ACAP2: variants seen among roughly 807,000 people sequenced by gnomAD.
ACAP2 encodes the protein arf-GAP with coiled-coil, ANK repeat and PH domain-containing protein 2.
In ACAP2, 39 loss-of-function variants were observed where a neutral mutation model predicts 115.8. The observed-to-expected ratio is 0.34, with a 90% confidence interval of 0.26 to 0.44. The LOEUF (loss-of-function observed/expected upper bound fraction) is 0.44. ACAP2 is among the 20% of genes least tolerant of loss of function. The probability of loss-of-function intolerance (pLI) is 1.00; values close to 1 mark genes in which losing one functional copy is unlikely to be tolerated. For synonymous variants in ACAP2, 289 were observed against 315.8 expected (o/e 0.92, Z 0.90); for missense variants, 662 against 927.6 (o/e 0.71, Z 3.72).
chr3:195,333,038 A>G lies in ACAP2; in HGVS notation c.659T>C (p.Leu220Pro). The G allele has an allele frequency of 5.6e-6, 9 of 1,603,184 alleles. No homozygotes were observed. Among genetic ancestry groups the G allele is most frequent in the Non-Finnish European group, 7.7e-6 (9 of 1,174,306 alleles). Residue 220 changes from leucine (L) to proline (P), a missense_variant, in exon 8 of 23, where the codon CTT (leucine) becomes CCT (proline). Coordinates refer to ENST00000326793, the MANE Select transcript of ACAP2 (RefSeq NM_012287.6). The part of the protein sequence containing the change: ...FSELGPYMKD[L>P]GAQLDRLVVD... ...ATACTGCAACATTACCTGTGCACCA[A>G]GATCCTTCATGTAGGGTCCAAGTTC...
intron 1 of ACAP2, among the ~76,000 whole-genome samples, chr3:195,418,711 T>C (rs1254754123): frequency 1.3e-5 from 2 of 152,222 alleles, no homozygotes; most frequent in Non-Finnish European, 2.9e-5. Context: ...ATTACAGGCA[T>C]GAGCCACCGC....
intron 4 of ACAP2, chr3:195,356,010 C>A (rs978112750): frequency 4.1e-5 from 18 of 434,050 alleles, no homozygotes; most frequent in Non-Finnish European, 8.5e-5. Context: ...AATCTGACAA[C>A]CACCTACACA....
chr3:195,399,856 T>G (rs955749375), intron 1 of ACAP2, among the ~76,000 whole-genome samples: 2 of 151,742 alleles, frequency 1.3e-5, no homozygotes, highest in African/African-American at 4.8e-5. Context: ...AATAAAAAAA[T>G]TTAAAAAAAG....
chr3:195,294,248 C>T (rs1727468512), intron 18 of ACAP2, among the ~76,000 whole-genome samples: 1 of 151,820 alleles, frequency 6.6e-6, no homozygotes, highest in East Asian at 1.9e-4. Flanking sequence ...ATTACTCCTC[C>T]CCTAGTTACC....
At chr3:195,302,626 C>G (rs1728139071) in intron 13 of ACAP2, among the ~76,000 whole-genome samples, 2 of 151,462 alleles carry the variant, frequency 1.3e-5, no homozygotes, top group Admixed American at 1.3e-4. Flanking sequence ...AAGTTAATTA[C>G]TGCAGTGAGT....
At chr3:195,279,834 GT>G (rs1175819088) in intron 22 of ACAP2, 2 of 153,072 alleles carry the variant, frequency 1.3e-5, no homozygotes, top group Non-Finnish European at 2.9e-5. Flanking sequence ...AAATACTAAT[GT>G]TTTGGATGGA....
chr3:195,437,019 AAAC>A (rs1428897738), intron 1 of ACAP2, among the ~76,000 whole-genome samples: 4 of 152,210 alleles, frequency 2.6e-5, no homozygotes, highest in African/African-American at 7.2e-5. Flanking sequence ...AAGACACCAT[AAAC>A]AACGCAAATT....
chr3:195,297,378 T>G, intron 15 of ACAP2, 97 bp from the exon 16 acceptor site: 1 of 956,204 alleles, frequency 1.0e-6, no homozygotes, highest in Non-Finnish European at 1.6e-6. Context: ...AGTTAACTAA[T>G]CCCCTTACAC....
intron 1 of ACAP2, among the ~76,000 whole-genome samples, chr3:195,394,943 G>A (rs1249046221): frequency 1.4e-5 from 2 of 143,642 alleles, no homozygotes; most frequent in Non-Finnish European, 3.0e-5. Flanking sequence ...TTTAAAGTAG[G>A]GGGTGGTAAA....
intron 10 of ACAP2, among the ~76,000 whole-genome samples, chr3:195,310,892 C>T (rs979482462): frequency 1.3e-5 from 2 of 151,774 alleles, no homozygotes; most frequent in Non-Finnish European, 2.9e-5. Flanking sequence ...GTCATATATC[C>T]TAGGTAGAAA....
chr3:195,440,863 A>C (rs1212872365), intron 1 of ACAP2, among the ~76,000 whole-genome samples: 1 of 152,188 alleles, frequency 6.6e-6, no homozygotes, highest in African/African-American at 2.4e-5. Flanking sequence ...GAAGTTATTG[A>C]AATTTTGGCA....
intron 1 of ACAP2, among the ~76,000 whole-genome samples, chr3:195,404,805 T>C (rs1712613300): frequency 6.8e-6 from 1 of 148,138 alleles, no homozygotes; most frequent in East Asian, 1.9e-4. Context: ...ATTTTTTCTT[T>C]TTTTTTTTTG....
chr3:195,289,000 G>C (rs1727054626), intron 21 of ACAP2, 121 bp downstream of exon 21: 8 of 652,104 alleles, frequency 1.2e-5, no homozygotes, highest in Non-Finnish European at 2.1e-5. Context: ...TTTTATATAA[G>C]GGACATGAGC....
At chr3:195,381,664 C>G (rs1212711349) in intron 3 of ACAP2, among the ~76,000 whole-genome samples, 1 of 152,116 alleles carries the variant, frequency 6.6e-6, no homozygotes, top group Non-Finnish European at 1.5e-5. Flanking sequence ...ACTTAATAAA[C>G]TAACCACAAC....
At chr3:195,365,015 T>C (rs1192649890) in intron 4 of ACAP2, among the ~76,000 whole-genome samples, 2 of 152,194 alleles carry the variant, frequency 1.3e-5, no homozygotes, top group Non-Finnish European at 2.9e-5. Flanking sequence ...TTAAGTGAAA[T>C]AAGCCAGGCA....
Position 195,276,141 on chromosome 3 carries a change from A to G in ACAP2, c.*3187T>C, listed in dbSNP as rs1455802666. The G allele has an allele frequency of 6.5e-6, 1 of 152,674 alleles. No individual in the cohort carries two copies. The highest frequency in any genetic ancestry group is 1.5e-5 in the Non-Finnish European group (1 of 68,040). The allele number at this position is 152,674 out of a possible 1,614,324, so 9.5% of individuals were successfully genotyped here. A position where few individuals can be genotyped will look rare whatever the true frequency, so the allele number is the denominator to read the frequency against. On this transcript the variant is annotated 3_prime_UTR_variant, in exon 23 of 23. Coordinates refer to ENST00000326793, the MANE Select transcript of ACAP2 (RefSeq NM_012287.6). ...CGACCATACTTAACATGCATAAAATATTTTTAAAATACAAACTTAAATTGG... is the reference window on the plus strand; with the variant it reads ...CGACCATACTTAACATGCATAAAATGTTTTTAAAATACAAACTTAAATTGG...
intron 1 of ACAP2, among the ~76,000 whole-genome samples, chr3:195,414,267 G>C (rs928533686): frequency 7.2e-5 from 11 of 152,074 alleles, no homozygotes; most frequent in African/African-American, 1.9e-4. Flanking sequence ...CTTTAAAAAA[G>C]AAATACATAC....
At chr3:195,304,752 G>A (rs1043298836) in intron 13 of ACAP2, among the ~76,000 whole-genome samples, 3 of 152,154 alleles carry the variant, frequency 2.0e-5, no homozygotes, top group Non-Finnish European at 2.9e-5. Flanking sequence ...CACATCAGCC[G>A]AAAAGACTCA....
chr3:195,351,555 G>A (rs188844150), intron 4 of ACAP2, among the ~76,000 whole-genome samples: 5 of 151,030 alleles, frequency 3.3e-5, no homozygotes, highest in African/African-American at 9.7e-5. Flanking sequence ...TCCACCTCCC[G>A]GGATCACGCC....
Sources: gnomAD v4.1 joint callset for allele counts (sites outside exome capture counted in the v4.1 genomes callset) on GRCh38, gnomAD v4.1.1 for gene constraint, MANE v1.5 for transcripts, NCBI Gene and HGNC (gene_info 2026-07-23, HGNC 2026-07-21) for gene names.